Variants in ALPK2 observed in about 807,000 individuals in gnomAD.
ALPK2 encodes alpha kinase 2.
In ALPK2, 127 loss-of-function variants were observed where a neutral mutation model predicts 163.1. The observed-to-expected ratio is 0.78, with a 90% CI of 0.67 to 0.90. The LOEUF (loss-of-function observed/expected upper bound fraction) is 0.90, where lower values mean the gene tolerates loss of function less well. ALPK2 is among the 40% of genes least tolerant of loss of function. ALPK2 has a pLI of 0.00. For synonymous variants in ALPK2, 953 were observed against 959.1 expected, an observed-to-expected ratio of 0.99 and a Z score of 0.12; for missense variants, 2,360 against 2,589.6, an observed-to-expected ratio of 0.91 and a Z score of 1.92.
chr18:58,524,881 G>A (rs2051576068), intron 6 of ALPK2, among the ~76,000 whole-genome samples: 1 of 150,906 alleles, frequency 6.6e-6, no homozygotes, highest in Non-Finnish European at 1.5e-5. Context: ...CCTCAAGTCT[G>A]GGATAATTTG....
At chr18:58,597,458 C>T (rs2052046675) in intron 3 of ALPK2, among the ~76,000 whole-genome samples, 1 of 152,216 alleles carries the variant, frequency 6.6e-6, no homozygotes, top group African/African-American at 2.4e-5. Context: ...AAAGTAGATA[C>T]TGTAATCATT....
intron 3 of ALPK2, among the ~76,000 whole-genome samples, chr18:58,592,009 A>G (rs2052017282): frequency 2.6e-5 from 4 of 152,228 alleles, no homozygotes. Flanking sequence ...TGGGAAGCAA[A>G]TAAAATAGTC....
At chr18:58,495,359 C>T (rs554476434) in intron 12 of ALPK2, among the ~76,000 whole-genome samples, 48 of 152,164 alleles carry the variant, frequency 3.2e-4, no homozygotes, top group Non-Finnish European at 6.2e-4. Flanking sequence ...AGCTCCTGCT[C>T]CCTGGCCTCT....
At chr18:58,553,964 C>G (rs966108445) in intron 4 of ALPK2, among the ~76,000 whole-genome samples, 1 of 140,988 alleles carries the variant, frequency 7.1e-6, no homozygotes, top group Admixed American at 7.6e-5. Flanking sequence ...CAGGTTCAAG[C>G]GATTCTCCTG....
At chr18:58,581,743 T>C (rs2051960195) in intron 3 of ALPK2, among the ~76,000 whole-genome samples, 1 of 152,218 alleles carries the variant, frequency 6.6e-6, no homozygotes, top group Admixed American at 6.5e-5. Flanking sequence ...TCACTATAAG[T>C]ATCAGCCAGC....
chr18:58,584,986 T>G (rs2051978212), intron 3 of ALPK2, among the ~76,000 whole-genome samples: 1 of 152,210 alleles, frequency 6.6e-6, no homozygotes, highest in Non-Finnish European at 1.5e-5. Context: ...GCATGTCTTT[T>G]CTTTTGGCGG....
chr18:58,510,524 A>G (rs1602192965), intron 10 of ALPK2, among the ~76,000 whole-genome samples: 2 of 152,282 alleles, frequency 1.3e-5, no homozygotes, highest in East Asian at 3.9e-4. Flanking sequence ...TGAGCATGGA[A>G]TGTTCTTCCA....
At chr18:58,485,853 C>T (rs765253024) in intron 12 of ALPK2, among the ~76,000 whole-genome samples, 1 of 152,188 alleles carries the variant, frequency 6.6e-6, no homozygotes, top group Non-Finnish European at 1.5e-5. Context: ...CACGAGTGGG[C>T]AGGGGCAGCT....
At chr18:58,549,035 C>A (rs1370510218) in intron 4 of ALPK2, among the ~76,000 whole-genome samples, 1 of 152,182 alleles carries the variant, frequency 6.6e-6, no homozygotes, top group Non-Finnish European at 1.5e-5. Context: ...TAAACTAAAT[C>A]TCTTATTCAT....
intron 4 of ALPK2, among the ~76,000 whole-genome samples, chr18:58,574,833 C>T (rs2051910725): frequency 6.6e-6 from 1 of 152,094 alleles, no homozygotes; most frequent in South Asian, 2.1e-4. Context: ...AGAGAGTTGG[C>T]CTCAGCATCT....
At chr18:58,491,564 C>G (rs1424434216) in intron 12 of ALPK2, among the ~76,000 whole-genome samples, 1 of 152,174 alleles carries the variant, frequency 6.6e-6, no homozygotes, top group Admixed American at 6.5e-5. Context: ...CACCCAGGAA[C>G]TGACTCAGCA....
chr18:58,553,196 T>A (rs2051768810), intron 4 of ALPK2, among the ~76,000 whole-genome samples: 1 of 152,202 alleles, frequency 6.6e-6, no homozygotes, highest in South Asian at 2.1e-4. Context: ...TTTCAGACTG[T>A]GCCTCCTCAA....
intron 11 of ALPK2, among the ~76,000 whole-genome samples, chr18:58,502,014 T>A (rs1168344648): frequency 1.3e-5 from 2 of 151,836 alleles, no homozygotes; most frequent in African/African-American, 4.8e-5. Flanking sequence ...TATTTCAGAA[T>A]AAAGGCTGGG....
rs557562918 is a variant in ALPK2 at position 58,620,154 on chromosome 18, G to A, written c.-20-8337C>T. Reference sequence around the variant, plus strand: ...AAAACTACAAAAATTAGCCGGGCATGGTGTCGGGTGCATGAAATCTCAGCT... The same window carrying A: ...AAAACTACAAAAATTAGCCGGGCATAGTGTCGGGTGCATGAAATCTCAGCT... On this transcript the variant is annotated intron_variant, in intron 1 of 12. Coordinates refer to ENST00000361673, the MANE Select transcript of ALPK2 (RefSeq NM_052947.4). 5.9e-5 allele frequency among the ~76,000 whole-genome samples: 9 copies of A among 152,276 alleles called. No homozygotes were observed. The South Asian group carries it at 1.9e-3, about 32-fold the overall frequency.
chr18:58,574,744 T>C (rs1254390444), intron 4 of ALPK2, among the ~76,000 whole-genome samples: 2 of 152,164 alleles, frequency 1.3e-5, no homozygotes, highest in African/African-American at 4.8e-5. Flanking sequence ...GCCAAAATGT[T>C]TGGGGACTGC....
At chr18:58,618,623 C>G (rs531871508) in intron 1 of ALPK2, among the ~76,000 whole-genome samples, 2 of 152,160 alleles carry the variant, frequency 1.3e-5, no homozygotes. Context: ...AAGTGTTAGC[C>G]GCTGCCAGTG....
chr18:58,487,507 T>G (rs1432241235), intron 12 of ALPK2, among the ~76,000 whole-genome samples: 1 of 152,248 alleles, frequency 6.6e-6, no homozygotes, highest in Non-Finnish European at 1.5e-5. Context: ...TCATTTGTTA[T>G]GGCAGCCCTA....
chr18:58,622,751 C>T (rs898440710), intron 1 of ALPK2, among the ~76,000 whole-genome samples: 1 of 152,116 alleles, frequency 6.6e-6, no homozygotes, highest in Non-Finnish European at 1.5e-5. Context: ...GTAAAGAAAG[C>T]CCCTCTCTGG....
At chr18:58,608,073 T>C (rs1179947675) in intron 2 of ALPK2, among the ~76,000 whole-genome samples, 2 of 152,240 alleles carry the variant, frequency 1.3e-5, no homozygotes, top group African/African-American at 2.4e-5. Context: ...TCTTCTCTAA[T>C]TAATTAGTTG....
Sources: gnomAD v4.1 joint callset for allele counts (sites outside exome capture counted in the v4.1 genomes callset) on GRCh38, gnomAD v4.1.1 for gene constraint, MANE v1.5 for transcripts, NCBI Gene and HGNC (gene_info 2026-07-23, HGNC 2026-07-21) for gene names.